The following CAP2 variants were observed in gnomAD, a reference collection of about 807,000 sequenced individuals.
CAP2 encodes cyclase associated actin cytoskeleton regulatory protein 2, also known as adenylyl cyclase-associated protein 2.
A neutral mutation model predicts 57.7 loss-of-function variants in CAP2; 24 were observed. The ratio of observed to expected loss-of-function variants is 0.42; its 90% confidence interval spans 0.30 to 0.58. The LOEUF (loss-of-function observed/expected upper bound fraction) is 0.58, where lower values mean the gene tolerates loss of function less well. Among genes scored for constraint, CAP2 ranks in the 20% least tolerant of loss-of-function variants. The pLI, the probability that CAP2 is intolerant of heterozygous loss-of-function variation, is 0.22. For synonymous variants in CAP2, 194 were observed against 207.2 expected, an observed-to-expected ratio of 0.94 and a Z score of 0.55; for missense variants, 501 against 590.3, an observed-to-expected ratio of 0.85 and a Z score of 1.57.
intron 3 of CAP2, among the ~76,000 whole-genome samples, chr6:17,431,954 G>A (rs1199642168): frequency 6.6e-6 from 1 of 151,942 alleles, no homozygotes; most frequent in East Asian, 1.9e-4. Context: ...ACAAGCAGAA[G>A]GAACCATGTC....
rs1212008233 is a variant in CAP2, at chr6:17,543,098, G to C, written c.1164G>C (p.Val388=). 1 of 1,614,050 alleles carries C rather than the reference G, an allele frequency of 6.2e-7. No individual in the cohort carries two copies. The highest frequency in any genetic ancestry group is 2.2e-5 in the East Asian group (1 of 44,878). Residue 388 remains valine (V), a synonymous_variant, in exon 11 of 13, where the codon GTG becomes GTC. Coordinates refer to ENST00000229922, the MANE Select transcript of CAP2 (RefSeq NM_006366.3). ...CKKLGLVFDN[V]VGIVEVINSQ... is the part of the protein sequence containing the mutation. ...AACTCGGCCTGGTGTTTGACAATGT[G>C]GTGGGCATTGTGGAAGTGATCAACT...
At chr6:17,465,069 G>A (rs148828111) in intron 4 of CAP2, among the ~76,000 whole-genome samples, 1 of 152,354 alleles carries the variant, frequency 6.6e-6, no homozygotes, top group East Asian at 1.9e-4. Context: ...TGAATGCATT[G>A]GGTCTGTGGC....
At chr6:17,536,957 A>C (rs1204381995) in intron 7 of CAP2, among the ~76,000 whole-genome samples, 1 of 152,202 alleles carries the variant, frequency 6.6e-6, no homozygotes, top group African/African-American at 2.4e-5. Flanking sequence ...GGTCAGTCTC[A>C]GGAACTGTGA....
chr6:17,439,336 G>T (rs1760002654), intron 3 of CAP2, among the ~76,000 whole-genome samples: 1 of 149,780 alleles, frequency 6.7e-6, no homozygotes, highest in African/African-American at 2.5e-5. Flanking sequence ...TCGAAATGCT[G>T]CCTTTATCAC....
chr6:17,529,926 G>A (rs928685916), intron 7 of CAP2, among the ~76,000 whole-genome samples: 26 of 151,842 alleles, frequency 1.7e-4, no homozygotes, highest in African/African-American at 5.6e-4. Context: ...GGCCAAGGTG[G>A]GAGGCTCTCT....
chr6:17,437,039 T>A (rs1759911083), intron 3 of CAP2, among the ~76,000 whole-genome samples: 1 of 152,150 alleles, frequency 6.6e-6, no homozygotes, highest in Admixed American at 6.5e-5. Context: ...CACCCCCAGA[T>A]GGGACTGTCT....
intron 7 of CAP2, among the ~76,000 whole-genome samples, chr6:17,525,364 G>A (rs1762478965): frequency 6.6e-6 from 1 of 151,736 alleles, no homozygotes; most frequent in African/African-American, 2.4e-5. Flanking sequence ...TACATTTATT[G>A]AACCTGCGAG....
intron 4 of CAP2, among the ~76,000 whole-genome samples, chr6:17,468,672 A>G (rs1760935485): frequency 6.6e-6 from 1 of 152,202 alleles, no homozygotes; most frequent in African/African-American, 2.4e-5. Context: ...AGCACTTCTT[A>G]TAGTCTAGAA....
At chr6:17,466,384 TC>T (rs1362846840) in intron 4 of CAP2, among the ~76,000 whole-genome samples, 1 of 152,054 alleles carries the variant, frequency 6.6e-6, no homozygotes, top group African/African-American at 2.4e-5. Context: ...CTTGGTTGAG[TC>T]CCAAGACTCT....
intron 7 of CAP2, among the ~76,000 whole-genome samples, chr6:17,530,282 T>C (rs988759181): frequency 6.6e-6 from 1 of 152,162 alleles, no homozygotes; most frequent in South Asian, 2.1e-4. Flanking sequence ...GATCTCACTA[T>C]GTTGCCTGTG....
At chr6:17,500,412 A>C (rs966601036) in intron 4 of CAP2, among the ~76,000 whole-genome samples, 6 of 120,594 alleles carry the variant, frequency 5.0e-5, no homozygotes, top group African/African-American at 1.8e-4. Flanking sequence ...CTGTGTTGCC[A>C]GGCTGGAGTG....
chr6:17,429,615 T>A (rs1759677767), intron 3 of CAP2, among the ~76,000 whole-genome samples: 1 of 152,156 alleles, frequency 6.6e-6, no homozygotes, highest in South Asian at 2.1e-4. Flanking sequence ...ATGACTCAGA[T>A]GAAGGAATAT....
intron 3 of CAP2, among the ~76,000 whole-genome samples, chr6:17,462,461 T>C (rs1760753893): frequency 6.6e-6 from 1 of 152,168 alleles, no homozygotes; most frequent in Non-Finnish European, 1.5e-5. Flanking sequence ...ATTCAGTATA[T>C]TCACCAAGTT....
At chr6:17,523,394 A>T (rs1762433540) in intron 7 of CAP2, among the ~76,000 whole-genome samples, 1 of 152,326 alleles carries the variant, frequency 6.6e-6, no homozygotes, top group East Asian at 1.9e-4. Context: ...TGCGGGAGGT[A>T]TAGGAGAGAC....
intron 7 of CAP2, among the ~76,000 whole-genome samples, chr6:17,532,483 C>T (rs1165297637): frequency 7.3e-5 from 11 of 149,822 alleles, no homozygotes; most frequent in Admixed American, 3.3e-4. Context: ...CAGTGGCTCA[C>T]GCCTGTAATC....
rs549646578 is a variant in CAP2 at position 17,492,234 on chromosome 6, T to A, written c.301-14935T>A. Among the ~76,000 whole-genome samples the A allele has an allele frequency of 2.1e-4, 32 of 152,282 alleles. No individual in the cohort carries two copies. In the South Asian group the frequency reaches 4.1e-3, roughly 20 times the overall value. ...TCTCTATAAATTTCCCAACTTCTTG[T>A]GATGTTTGCCAGTGGTGGGGTGCAT... On this transcript the variant is annotated intron_variant, in intron 4 of 12. Coordinates refer to ENST00000229922, the MANE Select transcript of CAP2 (RefSeq NM_006366.3).
chr6:17,460,916 G>A (rs1760702003), intron 3 of CAP2, among the ~76,000 whole-genome samples: 1 of 152,178 alleles, frequency 6.6e-6, no homozygotes, highest in East Asian at 1.9e-4. Context: ...GGGAGACCAA[G>A]ACAGGAGGAT....
intron 7 of CAP2, among the ~76,000 whole-genome samples, chr6:17,528,220 A>AGAT (rs1251421407): frequency 4.1e-4 from 63 of 152,368 alleles, no homozygotes; most frequent in African/African-American, 1.5e-3. Context: ...GAGGTTCAAT[A>AGAT]GATTAGGTGT....
At chr6:17,538,649 T>C (rs1762829229) in intron 7 of CAP2, among the ~76,000 whole-genome samples, 1 of 152,214 alleles carries the variant, frequency 6.6e-6, no homozygotes, top group African/African-American at 2.4e-5. Flanking sequence ...CAACATTTGA[T>C]GAAAAGTCAT....
Sources: gnomAD v4.1 joint callset for allele counts (sites outside exome capture counted in the v4.1 genomes callset) on GRCh38, gnomAD v4.1.1 for gene constraint, MANE v1.5 for transcripts, NCBI Gene and HGNC (gene_info 2026-07-23, HGNC 2026-07-21) for gene names.